Variants in PCDH9 observed in about 807,000 individuals in gnomAD.
PCDH9 encodes the protein protocadherin 9.
A neutral mutation model predicts 70.6 loss-of-function variants in PCDH9; 24 were observed. The observed-to-expected ratio is 0.34, with a 90% CI of 0.25 to 0.48. The LOEUF is 0.48. Ranked by LOEUF, PCDH9 falls within the 20% of genes least tolerant of loss-of-function variation. The pLI, the probability that PCDH9 is intolerant of heterozygous loss-of-function variation, is 0.99. For missense variants in PCDH9, 1,281 were observed against 1,503.6 expected, an observed-to-expected ratio of 0.85 and a Z score of 2.45; for synonymous variants, 562 against 558.5, an observed-to-expected ratio of 1.01 and a Z score of -0.09.
intron 4 of PCDH9, among the ~76,000 whole-genome samples, chr13:66,385,508 C>G (rs1156487029): frequency 6.6e-6 from 1 of 152,092 alleles, no homozygotes; most frequent in Non-Finnish European, 1.5e-5. Context: ...ATAAAATGCC[C>G]CCTTTTCCCA....
At chr13:66,563,297 C>G (rs1326837969) in intron 4 of PCDH9, among the ~76,000 whole-genome samples, 2 of 152,136 alleles carry the variant, frequency 1.3e-5, no homozygotes, top group African/African-American at 4.8e-5. Flanking sequence ...GAGTCCTTTT[C>G]CGTTTGCTCC....
chr13:66,867,016 C>CTTTTTTTTTT (rs562922937), intron 3 of PCDH9, among the ~76,000 whole-genome samples: 2 of 137,022 alleles, frequency 1.5e-5, no homozygotes, highest in Non-Finnish European at 1.6e-5. Context: ...CAGTTTCTTT[C>CTTTTTTTTTT]TTTTTTTTTT....
At chr13:66,993,902 C>CGAGATCTA (rs1485692847) in intron 2 of PCDH9, among the ~76,000 whole-genome samples, 2 of 151,694 alleles carry the variant, frequency 1.3e-5, no homozygotes, top group African/African-American at 2.4e-5. Context: ...TTGCATCAGC[C>CGAGATCTA]GAGATCTAGT....
intron 4 of PCDH9, among the ~76,000 whole-genome samples, chr13:66,398,556 A>T (rs1309921960): frequency 6.6e-6 from 1 of 152,166 alleles, no homozygotes; most frequent in East Asian, 1.9e-4. Context: ...ATTAATTCTG[A>T]AAAAAGTTTA....
At chr13:67,031,678 C>T (rs1243296517) in intron 2 of PCDH9, among the ~76,000 whole-genome samples, 2 of 152,062 alleles carry the variant, frequency 1.3e-5, no homozygotes, top group Non-Finnish European at 2.9e-5. Flanking sequence ...AGTGAGACTC[C>T]ATCTCAAATA....
At chr13:66,314,697 C>T (rs1011404961) in intron 4 of PCDH9, among the ~76,000 whole-genome samples, 6 of 152,064 alleles carry the variant, frequency 3.9e-5, no homozygotes, top group Admixed American at 6.6e-5. Context: ...CTGAATTTAC[C>T]GTTCTTGTAT....
At chr13:66,599,873 G>A (rs2077145537) in intron 4 of PCDH9, among the ~76,000 whole-genome samples, 1 of 151,790 alleles carries the variant, frequency 6.6e-6, no homozygotes, top group Non-Finnish European at 1.5e-5. Context: ...GATTGATTTT[G>A]TCCCTAATAT....
intron 4 of PCDH9, among the ~76,000 whole-genome samples, chr13:66,591,947 A>C (rs2077044087): frequency 6.6e-6 from 1 of 151,682 alleles, no homozygotes; most frequent in Non-Finnish European, 1.5e-5. Flanking sequence ...AAAAGTATCC[A>C]CTGAAAATAT....
intron 2 of PCDH9, among the ~76,000 whole-genome samples, chr13:66,996,730 G>GAAT (rs2084124157): frequency 6.6e-6 from 1 of 152,286 alleles, no homozygotes; most frequent in African/African-American, 2.4e-5. Context: ...ATCCCTGAAT[G>GAAT]AATGTGTCTA....
At chr13:67,114,200 C>T (rs772241466) in intron 2 of PCDH9, among the ~76,000 whole-genome samples, 10 of 152,136 alleles carry the variant, frequency 6.6e-5, no homozygotes, top group Non-Finnish European at 1.5e-4. Flanking sequence ...AAATTTCTCT[C>T]CTAAGTAGCC....
At chr13:66,586,889 A>G (rs1277251976) in intron 4 of PCDH9, among the ~76,000 whole-genome samples, 1 of 152,166 alleles carries the variant, frequency 6.6e-6, no homozygotes, top group Non-Finnish European at 1.5e-5. Flanking sequence ...CATGAGTATC[A>G]ACACTTTTGT....
At chr13:67,156,238 C>G (rs928001) in intron 2 of PCDH9, among the ~76,000 whole-genome samples, 84,234 of 151,814 alleles carry the variant, frequency 0.55, 23,800 homozygotes, top group East Asian at 0.66. Flanking sequence ...ACCTGAGACT[C>G]TAGCAAGGCA....
chr13:66,421,297 C>A (rs1836705951), intron 4 of PCDH9, among the ~76,000 whole-genome samples: 2 of 152,150 alleles, frequency 1.3e-5, no homozygotes, highest in Non-Finnish European at 2.9e-5. Flanking sequence ...GCAAGACAGG[C>A]CAACATTGAA....
At chr13:66,417,335 T>C (rs191305699) in intron 4 of PCDH9, among the ~76,000 whole-genome samples, 11 of 152,310 alleles carry the variant, frequency 7.2e-5, no homozygotes, top group African/African-American at 2.6e-4. Flanking sequence ...GCTTCATCGA[T>C]GTCCCTGCAA....
chr13:66,457,977 A>G (rs775995820), intron 4 of PCDH9, among the ~76,000 whole-genome samples: 8 of 151,960 alleles, frequency 5.3e-5, no homozygotes, highest in Non-Finnish European at 1.2e-4. Context: ...GTGTATATAT[A>G]TTTATACTGC....
chr13:67,175,581 T>G (rs778910012), intron 2 of PCDH9, among the ~76,000 whole-genome samples: 1 of 152,190 alleles, frequency 6.6e-6, no homozygotes, highest in Non-Finnish European at 1.5e-5. Context: ...TCACACTTGC[T>G]TACTGTACTA....
chr13:67,101,345 G>A (rs1053315988), intron 2 of PCDH9, among the ~76,000 whole-genome samples: 3 of 152,186 alleles, frequency 2.0e-5, no homozygotes, highest in Non-Finnish European at 2.9e-5. Context: ...TATATTTCAT[G>A]TATGAATAGC....
Position 67,071,865 on chromosome 13 carries a change from G to A in PCDH9, c.3036+153540C>T, listed in dbSNP as rs147333927. Among the ~76,000 whole-genome samples the A allele has an allele frequency of 7.1e-3, 1,025 of 143,858 alleles. 11 individuals are homozygous for A. Among genetic ancestry groups the A allele is most frequent in the African/African-American group, 0.025 (962 of 37,978 alleles). The allele number at this position is 143,858 out of a possible 152,430, so 94.4% of individuals were successfully genotyped here. ...GATTGCGCCATTGCACTCCAGCCTG[G>A]GCAACAGAGGGAGACTTTGTCTCAA... On this transcript the variant is annotated intron_variant, in intron 2 of 4. Transcript: ENST00000377865.
chr13:66,567,314 T>TA (rs2076667525), intron 4 of PCDH9, among the ~76,000 whole-genome samples: 1 of 152,140 alleles, frequency 6.6e-6, no homozygotes, highest in African/African-American at 2.4e-5. Flanking sequence ...TACATTTGAA[T>TA]AAAAAACGCG....
Sources: allele counts gnomAD v4.1 joint callset (sites outside exome capture counted in the v4.1 genomes callset), GRCh38; gene constraint gnomAD v4.1.1; transcripts MANE v1.5; gene names NCBI Gene and HGNC (gene_info 2026-07-23, HGNC 2026-07-21).